PHLPP1: variants seen among roughly 807,000 people sequenced by gnomAD.
PHLPP1 encodes the protein PH domain and leucine rich repeat protein phosphatase 1, also known as PH domain leucine-rich repeat-containing protein phosphatase 1.
Under a neutral mutation model 117.2 loss-of-function variants are expected in PHLPP1, and 42 were observed. That is an observed-to-expected ratio of 0.36 (90% CI 0.28 to 0.46). The LOEUF (loss-of-function observed/expected upper bound fraction) is 0.46. PHLPP1 is among the 20% of genes least tolerant of loss of function. The pLI is 1.00. For synonymous variants in PHLPP1, 1,042 were observed against 970.7 expected (o/e 1.07, Z -1.37); for missense variants, 2,084 against 2,241.9 (o/e 0.93, Z 1.42).
intron 10 of PHLPP1, among the ~76,000 whole-genome samples, chr18:62,924,780 G>A (rs1331624829): frequency 4.7e-5 from 7 of 149,140 alleles, no homozygotes; most frequent in East Asian, 2.0e-4. Flanking sequence ...CGAGGCTGCC[G>A]TGAGCTCTGA....
At chr18:62,968,765 C>T (rs1339769277) in intron 14 of PHLPP1, among the ~76,000 whole-genome samples, 1 of 151,916 alleles carries the variant, frequency 6.6e-6, no homozygotes, top group African/African-American at 2.4e-5. Context: ...TCTCGAACTC[C>T]TCAAATGGTC....
chr18:62,753,263 AAAT>A (rs1411772654), intron 1 of PHLPP1, among the ~76,000 whole-genome samples: 3 of 152,176 alleles, frequency 2.0e-5, no homozygotes, highest in African/African-American at 7.2e-5. Context: ...TGATGACAAA[AAAT>A]GTTTTTAGTT....
chr18:62,892,478 C>T (rs1272616774), intron 4 of PHLPP1, among the ~76,000 whole-genome samples: 1 of 152,084 alleles, frequency 6.6e-6, no homozygotes, highest in East Asian at 1.9e-4. Context: ...TATGCTATTA[C>T]AAAAGCAGGT....
intron 1 of PHLPP1, among the ~76,000 whole-genome samples, chr18:62,746,930 C>T (rs1169220913): frequency 6.6e-6 from 1 of 152,092 alleles, no homozygotes; most frequent in Non-Finnish European, 1.5e-5. Flanking sequence ...ATGGTTGTAG[C>T]TATATTCAGG....
At chr18:62,902,435 T>C (rs1001545332) in intron 6 of PHLPP1, among the ~76,000 whole-genome samples, 1 of 152,220 alleles carries the variant, frequency 6.6e-6, no homozygotes, top group African/African-American at 2.4e-5. Context: ...GCAACTCTTA[T>C]TCGTTGTGTG....
At chr18:62,975,359 G>T in intron 15 of PHLPP1, 38 bp from the exon 16 acceptor site, 1 of 1,414,200 alleles carries the variant, frequency 7.1e-7, no homozygotes, top group Non-Finnish European at 1.0e-6. Context: ...GCACTGATGG[G>T]CTGTGTTTGA....
chr18:62,951,172 AG>A, intron 12 of PHLPP1, among the ~76,000 whole-genome samples: 1 of 151,944 alleles, frequency 6.6e-6, no homozygotes, highest in East Asian at 1.9e-4. Context: ...TAGTAGAGAC[AG>A]GGTTTCACTG....
At chr18:62,733,187 T>C (rs911847947) in intron 1 of PHLPP1, among the ~76,000 whole-genome samples, 3 of 152,228 alleles carry the variant, frequency 2.0e-5, no homozygotes, top group Non-Finnish European at 4.4e-5. Context: ...CAGCAAACTT[T>C]ATTGTCTTAT....
chr18:62,948,464 A>G (rs147464792), intron 12 of PHLPP1, among the ~76,000 whole-genome samples: 1 of 152,220 alleles, frequency 6.6e-6, no homozygotes, highest in Non-Finnish European at 1.5e-5. Flanking sequence ...TTGCTATTGA[A>G]TTCCTTCCCC....
At chr18:62,783,094 A>G (rs1050990617) in intron 1 of PHLPP1, among the ~76,000 whole-genome samples, 8 of 151,098 alleles carry the variant, frequency 5.3e-5, no homozygotes, top group Non-Finnish European at 1.2e-4. Context: ...AATGATACCC[A>G]TCAATGGTAC....
At chr18:62,733,036 A>G (rs1052473197) in intron 1 of PHLPP1, among the ~76,000 whole-genome samples, 8 of 152,252 alleles carry the variant, frequency 5.3e-5, no homozygotes, top group Non-Finnish European at 1.0e-4. Context: ...TGAAATGACA[A>G]CAAATAATTT....
intron 10 of PHLPP1, among the ~76,000 whole-genome samples, chr18:62,934,556 T>C (rs1181432150): frequency 1.3e-5 from 2 of 152,122 alleles, no homozygotes; most frequent in East Asian, 3.9e-4. Context: ...CAAGAGACAC[T>C]GAGGACTCTG....
At chr18:62,922,993 C>T (rs1460669059) in intron 10 of PHLPP1, among the ~76,000 whole-genome samples, 1 of 152,040 alleles carries the variant, frequency 6.6e-6, no homozygotes, top group Non-Finnish European at 1.5e-5. Flanking sequence ...CCAAACGGTA[C>T]CTGTATGTTG....
intron 14 of PHLPP1, among the ~76,000 whole-genome samples, chr18:62,971,688 T>C (rs1911052018): frequency 6.6e-6 from 1 of 152,162 alleles, no homozygotes; most frequent in South Asian, 2.1e-4. Flanking sequence ...ATTACTGACC[T>C]GTGCTCTTAT....
At chr18:62,754,405 T>C (rs1444729956) in intron 1 of PHLPP1, among the ~76,000 whole-genome samples, 1 of 152,250 alleles carries the variant, frequency 6.6e-6, no homozygotes, top group African/African-American at 2.4e-5. Context: ...GCAGTCTTCA[T>C]ACTTTTTTTC....
chr18:62,716,735 G>C lies in PHLPP1; in HGVS notation c.1052G>C (p.Ser351Thr). The C allele has an allele frequency of 6.6e-7, 1 of 1,514,550 alleles. No individual in the cohort carries two copies. Among genetic ancestry groups the C allele is most frequent in the Non-Finnish European group, 8.8e-7 (1 of 1,136,910 alleles). The allele number at this position is 1,514,550 out of a possible 1,614,324, so 93.8% of individuals were successfully genotyped here. A position where few individuals can be genotyped will look rare whatever the true frequency, so the allele number is the denominator to read the frequency against. ...RPVVSDTESF[S>T]LSPSAESVSD... ...GTGGTCTCCGACACCGAGAGCTTCA[G>C]TCTGAGTCCCAGCGCCGAGAGCGTG... Residue 351 changes from serine (S) to threonine (T), a missense_variant, in exon 1 of 17, where the codon AGT (serine) becomes ACT (threonine). Physicochemically the swap from Ser to Thr is moderately conservative, Grantham distance 58. Transcript: ENST00000262719. The surrounding 1 kb of genome is among the most constrained non-coding windows in gnomAD (Gnocchi z 5.7).
At chr18:62,969,663 A>G (rs1910997142) in intron 14 of PHLPP1, among the ~76,000 whole-genome samples, 1 of 152,236 alleles carries the variant, frequency 6.6e-6, no homozygotes, top group African/African-American at 2.4e-5. Flanking sequence ...TCTGTTAAGT[A>G]TGTAAACATT....
chr18:62,815,973 T>C (rs1024691462), intron 1 of PHLPP1, among the ~76,000 whole-genome samples: 3 of 152,184 alleles, frequency 2.0e-5, no homozygotes, highest in Admixed American at 6.5e-5. Context: ...TCTTTTCAGG[T>C]TGGCAGTTAC....
At chr18:62,836,425 C>A (rs1477084729) in intron 2 of PHLPP1, among the ~76,000 whole-genome samples, 1 of 142,334 alleles carries the variant, frequency 7.0e-6, no homozygotes, top group Non-Finnish European at 1.5e-5. Flanking sequence ...GAGCGAGACT[C>A]CATCTAAAAA....
Sources: allele counts gnomAD v4.1 joint callset (sites outside exome capture counted in the v4.1 genomes callset), GRCh38; gene constraint gnomAD v4.1.1; non-coding constraint Gnocchi (gnomAD v3.1); transcripts MANE v1.5; gene names NCBI Gene and HGNC (gene_info 2026-07-23, HGNC 2026-07-21).